Variants in STARD13 observed in about 807,000 individuals in gnomAD.
STARD13 encodes the protein StAR related lipid transfer domain containing 13.
A neutral mutation model predicts 106.4 loss-of-function variants in STARD13; 62 were observed. That is an observed-to-expected ratio of 0.58 (90% CI 0.48 to 0.72). The LOEUF (loss-of-function observed/expected upper bound fraction) is 0.72, where lower values mean the gene tolerates loss of function less well. Ranked by LOEUF, STARD13 falls within the 30% of genes least tolerant of loss-of-function variation. The pLI, the probability that STARD13 is intolerant of heterozygous loss-of-function variation, is 0.00. For synonymous variants in STARD13, 565 were observed against 553.0 expected (o/e 1.02, Z -0.31); for missense variants, 1,387 against 1,424.0 (o/e 0.97, Z 0.42).
chr13:33,258,692 G>T (rs75915222), intron 1 of STARD13, among the ~76,000 whole-genome samples: 2 of 152,166 alleles, frequency 1.3e-5, no homozygotes, highest in Admixed American at 1.3e-4. Flanking sequence ...CCCTTTTATG[G>T]TCAGGCTGAT....
the STARD13 span, among the ~76,000 whole-genome samples, chr13:33,400,198 G>T: frequency 6.6e-6 from 1 of 152,040 alleles, no homozygotes; most frequent in Non-Finnish European, 1.5e-5. Flanking sequence ...ACTATTATGG[G>T]TTCCGTATAT....
the STARD13 span, among the ~76,000 whole-genome samples, chr13:33,421,878 T>G: frequency 6.6e-6 from 1 of 152,190 alleles, no homozygotes; most frequent in Non-Finnish European, 1.5e-5. Flanking sequence ...AGAAAAGGCC[T>G]TCGACAAAAT....
At chr13:33,564,341 TATC>T in the STARD13 span, among the ~76,000 whole-genome samples, 15 of 145,228 alleles carry the variant, frequency 1.0e-4, 2 homozygotes, top group Non-Finnish European at 1.7e-4. Flanking sequence ...AACAAGGAGA[TATC>T]ATGTTATCCC....
chr13:33,153,293 T>C (rs1436411786), intron 3 of STARD13, among the ~76,000 whole-genome samples: 1 of 152,164 alleles, frequency 6.6e-6, no homozygotes, highest in East Asian at 1.9e-4. Flanking sequence ...GAAAGTCCCT[T>C]GCATGGTCAG....
chr13:33,351,520 G>A (rs796336531), upstream of STARD13, among the ~76,000 whole-genome samples: 2 of 152,092 alleles, frequency 1.3e-5, no homozygotes, highest in African/African-American at 4.8e-5. Context: ...CTCAGGCCTC[G>A]GGGTGTCCTG....
chr13:33,610,775 C>T, the STARD13 span, among the ~76,000 whole-genome samples: 2 of 152,226 alleles, frequency 1.3e-5, no homozygotes, highest in East Asian at 3.9e-4. Flanking sequence ...AGGACTGAAG[C>T]AGGGACGCAG....
At chr13:33,112,563 C>T (rs1291135215) in intron 9 of STARD13, among the ~76,000 whole-genome samples, 158 bp downstream of exon 9, 1 of 152,168 alleles carries the variant, frequency 6.6e-6, no homozygotes, top group African/African-American at 2.4e-5. Context: ...AATCTATCAT[C>T]TACCTATCGT....
At position 33,103,228 on chromosome 13, in the gene STARD13, G is replaced by C. The variant is rs908729872; in HGVS notation, c.*2365C>G. ...ATTGATGATTGATATCAACAATTGA[G>C]GTAAAAATATACATGAGGTATAAAT... is the stretch of plus-strand genomic sequence containing the variant. On this transcript the variant is annotated 3_prime_UTR_variant, in exon 14 of 14. Transcript: ENST00000336934. 2.5e-4 allele frequency: 38 copies of C among 152,584 alleles called. No individual in the cohort carries two copies. Among genetic ancestry groups the C allele is most frequent in the African/African-American group, 8.9e-4 (37 of 41,504 alleles). 9.5% of individuals were successfully genotyped at this position (152,584 alleles called of 1,614,324 possible).
chr13:33,303,455 C>T (rs1259887178), intron 1 of STARD13, among the ~76,000 whole-genome samples: 2 of 152,140 alleles, frequency 1.3e-5, no homozygotes. Flanking sequence ...GCTTCAGTGT[C>T]CTCATCTGCA....
chr13:33,524,998 T>G, the STARD13 span, among the ~76,000 whole-genome samples: 2 of 152,052 alleles, frequency 1.3e-5, no homozygotes, highest in Admixed American at 6.6e-5. Context: ...TCACCAAAAG[T>G]GTTTTATTTT....
At chr13:33,546,870 A>G in the STARD13 span, among the ~76,000 whole-genome samples, 1 of 152,206 alleles carries the variant, frequency 6.6e-6, no homozygotes. Context: ...TGGATAAATT[A>G]TAATAATTCT....
chr13:33,272,500 C>T (rs1206883365), intron 1 of STARD13: 1 of 152,168 alleles, frequency 6.6e-6, no homozygotes, highest in Non-Finnish European at 1.5e-5. Flanking sequence ...CCAAATATTT[C>T]ATCTAAGTAC....
chr13:33,222,909 AC>A (rs1158715300), intron 1 of STARD13, among the ~76,000 whole-genome samples: 2 of 152,244 alleles, frequency 1.3e-5, no homozygotes, highest in African/African-American at 4.8e-5. Context: ...TCCCAGGCTG[AC>A]TTTTCCTAAG....
the STARD13 span, among the ~76,000 whole-genome samples, chr13:33,446,169 C>T: frequency 3.9e-4 from 59 of 152,188 alleles, 2 homozygotes; most frequent in East Asian, 7.1e-3. Context: ...TATAATGTTC[C>T]TTATTTACCA....
chr13:33,635,252 GC>G, the STARD13 span, among the ~76,000 whole-genome samples: 1 of 139,370 alleles, frequency 7.2e-6, no homozygotes, highest in African/African-American at 3.3e-5. Context: ...GCACCAGACT[GC>G]CCGGGGTTAA....
the STARD13 span, among the ~76,000 whole-genome samples, chr13:33,364,849 A>C: frequency 2.6e-5 from 4 of 152,348 alleles, no homozygotes; most frequent in South Asian, 8.3e-4. Flanking sequence ...AGATGGCGCC[A>C]CTGCACTCCA....
intron 1 of STARD13, among the ~76,000 whole-genome samples, chr13:33,223,068 C>T (rs1489034272): frequency 2.0e-5 from 3 of 152,232 alleles, no homozygotes; most frequent in African/African-American, 7.2e-5. Flanking sequence ...TGAAAACAGA[C>T]CACCTGTTAA....
At chr13:33,570,983 A>T in the STARD13 span, among the ~76,000 whole-genome samples, 8 of 152,182 alleles carry the variant, frequency 5.3e-5, no homozygotes, top group Non-Finnish European at 8.8e-5. Flanking sequence ...TCCCATGTTC[A>T]TACCATCCTG....
At chr13:33,350,670 T>G, upstream of STARD13, 1 of 1,191,140 alleles carries the variant, frequency 8.4e-7, no homozygotes, top group African/African-American at 1.6e-5. Context: ...CTTTCCCACT[T>G]TCCTTCTCCT....
Sources: gnomAD v4.1 joint callset for allele counts (sites outside exome capture counted in the v4.1 genomes callset) on GRCh38, gnomAD v4.1.1 for gene constraint, MANE v1.5 for transcripts, NCBI Gene and HGNC (gene_info 2026-07-23, HGNC 2026-07-21) for gene names.